PIGU: variants seen among roughly 807,000 people sequenced by gnomAD.
The protein encoded by PIGU is GPI-anchor transamidase component PIGU.
Under a neutral mutation model 49.9 loss-of-function variants are expected in PIGU, and 24 were observed. The observed-to-expected ratio is 0.48, with a 90% CI of 0.35 to 0.68. The LOEUF is 0.68. Ranked by LOEUF, PIGU falls within the 30% of genes least tolerant of loss-of-function variation. The pLI, the probability that PIGU is intolerant of heterozygous loss-of-function variation, is 0.01. For synonymous variants in PIGU, 220 were observed against 205.7 expected (o/e 1.07, Z -0.59); for missense variants, 490 against 532.6 (o/e 0.92, Z 0.79).
At chr20:34,675,595 G>T (rs1987473355) in intron 1 of PIGU, among the ~76,000 whole-genome samples, 1 of 152,150 alleles carries the variant, frequency 6.6e-6, no homozygotes, top group Admixed American at 6.6e-5. Flanking sequence ...CTATCACATA[G>T]AAATAAATGT....
At position 34,560,755 on chromosome 20, in the gene PIGU, C is replaced by G; in HGVS notation, c.*111G>C. The G allele has an allele frequency of 1.3e-6, 1 of 743,782 alleles. No homozygotes were observed. Among genetic ancestry groups the G allele is most frequent in the Non-Finnish European group, 2.0e-6 (1 of 487,830 alleles). The allele number at this position is 743,782 out of a possible 1,614,324, so 46.1% of individuals were successfully genotyped here. ...TACCAGAGACTTGTGACCCTGGACT[C>G]GAACCTCTTCTGCCCAAGCACTCGC... On this transcript the variant is annotated 3_prime_UTR_variant, in exon 12 of 12. Coordinates refer to ENST00000217446, the MANE Select transcript of PIGU (RefSeq NM_080476.5).
At chr20:34,597,493 G>C (rs1984246111) in intron 7 of PIGU, among the ~76,000 whole-genome samples, 1 of 152,138 alleles carries the variant, frequency 6.6e-6, no homozygotes, top group Non-Finnish European at 1.5e-5. Context: ...ATGGGGAAAG[G>C]ACCCGAAGAT....
rs1407389117 is a variant in PIGU, at chr20:34,672,797, G to GAGAATT, written c.130+4153_130+4158dup. ...TTGAGCCCAGAAGGATGAGGCTGCA[G>GAGAATT]AGAATTATGATCATGCCGCTGCACT... On this transcript the variant is annotated intron_variant, in intron 1 of 11. Coordinates refer to ENST00000217446, the MANE Select transcript of PIGU (RefSeq NM_080476.5). Among the ~76,000 whole-genome samples the GAGAATT allele has an allele frequency of 2.8e-5, 4 of 145,030 alleles. No individual in the cohort carries two copies. In the Admixed American group the frequency reaches 2.9e-4, roughly 11 times the overall value.
intron 11 of PIGU, 81 bp from the exon 12 acceptor site, chr20:34,561,060 T>G (rs1057326849): frequency 5.1e-6 from 5 of 973,142 alleles, no homozygotes; most frequent in African/African-American, 3.3e-5. Context: ...GCAGGTGTTG[T>G]TGGAAGACAG....
chr20:34,667,303 GC>G (rs1180076521), intron 1 of PIGU, among the ~76,000 whole-genome samples: 2 of 152,152 alleles, frequency 1.3e-5, no homozygotes, highest in Non-Finnish European at 2.9e-5. Flanking sequence ...GGCCTAAGAA[GC>G]AGCATCACTC....
At chr20:34,662,396 C>CTTTTT (rs34871084) in intron 1 of PIGU, among the ~76,000 whole-genome samples, 4 of 131,302 alleles carry the variant, frequency 3.0e-5, no homozygotes, top group Admixed American at 8.1e-5. Context: ...AGCCCTTTGC[C>CTTTTT]TTTTTTTTTT....
chr20:34,587,066 A>G (rs868783153), intron 8 of PIGU, among the ~76,000 whole-genome samples: 1 of 152,218 alleles, frequency 6.6e-6, no homozygotes, highest in Non-Finnish European at 1.5e-5. Flanking sequence ...GGTGTGTTTC[A>G]GAGTACAGGT....
chr20:34,593,549 A>C (rs1030060759), intron 7 of PIGU, among the ~76,000 whole-genome samples: 1 of 152,196 alleles, frequency 6.6e-6, no homozygotes, highest in Non-Finnish European at 1.5e-5. Context: ...AATAAAACAG[A>C]AAGTCCAGCA....
intron 6 of PIGU, among the ~76,000 whole-genome samples, chr20:34,628,411 AAT>A (rs1259574666): frequency 6.6e-6 from 1 of 152,180 alleles, no homozygotes; most frequent in Non-Finnish European, 1.5e-5. Context: ...AAAATAACTA[AAT>A]ATGAGTGCAA....
intron 1 of PIGU, among the ~76,000 whole-genome samples, chr20:34,667,022 TG>T (rs1264530428): frequency 1.3e-5 from 2 of 151,940 alleles, no homozygotes; most frequent in Admixed American, 1.3e-4. Context: ...TCTTATTTTT[TG>T]TAGAGATGGG....
chr20:34,674,059 A>C (rs1987405399), intron 1 of PIGU, among the ~76,000 whole-genome samples: 1 of 148,848 alleles, frequency 6.7e-6, no homozygotes, highest in Admixed American at 6.7e-5. Context: ...TCTCAAAAAC[A>C]ACAACAACAA....
rs969483849 is a variant in PIGU, at chr20:34,633,734, AT to A, written c.529+880del. Among the ~76,000 whole-genome samples, 3 of 151,794 alleles carry A rather than the reference AT, an allele frequency of 2.0e-5. No homozygotes were observed. In the South Asian group the frequency reaches 6.2e-4, roughly 32 times the overall value. On this transcript the variant is annotated intron_variant, in intron 6 of 11. Transcript: ENST00000217446. ...AGGTGCACACCACCACACCCGGCTA[AT>A]TTTTTTCCTATTTTTAGTAGCGATG... is the stretch of plus-strand genomic sequence containing the variant.
rs201489503 is a variant in PIGU at position 34,600,832 on chromosome 20, C to G, written c.628-12225G>C. 2.6e-4 allele frequency among the ~76,000 whole-genome samples: 40 copies of G among 152,080 alleles called. No individual in the cohort carries two copies. In the East Asian group the frequency reaches 4.8e-3, roughly 18 times the overall value. Reference sequence around the variant, plus strand: ...GGTAGATCACCTGAGGTTGGGAGTTCGAGACCAGCCTGACAAACATGGAGA... The same window carrying G: ...GGTAGATCACCTGAGGTTGGGAGTTGGAGACCAGCCTGACAAACATGGAGA... On this transcript the variant is annotated intron_variant, in intron 7 of 11. Transcript: ENST00000217446.
At chr20:34,668,706 T>C (rs1213467184) in intron 1 of PIGU, among the ~76,000 whole-genome samples, 1 of 150,126 alleles carries the variant, frequency 6.7e-6, no homozygotes, top group Non-Finnish European at 1.5e-5. Flanking sequence ...AAGGCGGAGC[T>C]TGCAGTGAAC....
intron 7 of PIGU, among the ~76,000 whole-genome samples, chr20:34,593,566 C>T (rs1277066591): frequency 6.6e-6 from 1 of 152,002 alleles, no homozygotes; most frequent in East Asian, 1.9e-4. Context: ...AGCACTAGAC[C>T]AAAATACATA....
At chr20:34,580,719 A>G (rs570525748) in intron 10 of PIGU, among the ~76,000 whole-genome samples, 5 of 152,330 alleles carry the variant, frequency 3.3e-5, no homozygotes, top group Admixed American at 2.6e-4. Context: ...TGTCAGCTTC[A>G]GTCCTGAGTG....
At chr20:34,663,862 C>T (rs1422863712) in intron 1 of PIGU, among the ~76,000 whole-genome samples, 2 of 151,810 alleles carry the variant, frequency 1.3e-5, no homozygotes, top group African/African-American at 4.8e-5. Context: ...CTACAGGGCA[C>T]CAGTATGCGG....
rs1159513114 is a variant in PIGU, at chr20:34,591,150, AAT to A, written c.628-2545_628-2544del. On this transcript the variant is annotated intron_variant, in intron 7 of 11. Coordinates refer to ENST00000217446, the MANE Select transcript of PIGU (RefSeq NM_080476.5). Reference sequence around the variant, plus strand: ...GTGTGGTTATACTATTATCAGATAAAATAGACTTTTATGTAAAAAAGTATTGC... The same window carrying A: ...GTGTGGTTATACTATTATCAGATAAAAGACTTTTATGTAAAAAAGTATTGC... Among the ~76,000 whole-genome samples, 12 of 152,242 alleles carry A rather than the reference AAT, an allele frequency of 7.9e-5. No homozygotes were observed. The South Asian group carries it at 1.4e-3, about 18-fold the overall frequency.
intron 4 of PIGU, chr20:34,643,570 G>A (rs888069733): frequency 6.6e-6 from 1 of 152,272 alleles, no homozygotes; most frequent in African/African-American, 2.4e-5. Context: ...AGTACACATG[G>A]TTAATCTGTT....
Sources: allele counts gnomAD v4.1 joint callset (sites outside exome capture counted in the v4.1 genomes callset), GRCh38; gene constraint gnomAD v4.1.1; transcripts MANE v1.5; gene names NCBI Gene and HGNC (gene_info 2026-07-23, HGNC 2026-07-21).